Variants in PCDHGA9 observed in about 807,000 individuals in gnomAD.
PCDHGA9 encodes the protein protocadherin gamma-A9.
A neutral mutation model predicts 62.5 loss-of-function variants in PCDHGA9; 37 were observed. The ratio of observed to expected loss-of-function variants is 0.59; its 90% CI spans 0.46 to 0.78. The LOEUF (loss-of-function observed/expected upper bound fraction) is 0.78. Among genes scored for constraint, PCDHGA9 ranks in the 30% least tolerant of loss-of-function variants. The probability of loss-of-function intolerance (pLI) is 0.00; values close to 1 mark genes in which losing one functional copy is unlikely to be tolerated. For synonymous variants in PCDHGA9, 459 were observed against 484.6 expected, an observed-to-expected ratio of 0.95 and a Z score of 0.69; for missense variants, 1,138 against 1,166.2, an observed-to-expected ratio of 0.98 and a Z score of 0.35.
chr5:141,422,800 C>T, intron 1 of PCDHGA9: 1 of 1,614,214 alleles, frequency 6.2e-7, no homozygotes, highest in Non-Finnish European at 8.5e-7. Context: ...CGACTATGAG[C>T]AGTTTCGAGA....
chr5:141,405,226 C>T lies in PCDHGA9; in HGVS notation c.2274C>T (p.Ser758=), dbSNP rs756970325. 6 of 1,613,934 alleles carry T rather than the reference C, an allele frequency of 3.7e-6. No individual in the cohort carries two copies. The highest frequency in any genetic ancestry group is 3.3e-5 in the Admixed American group (2 of 59,984). The part of the protein sequence containing the change: ...AFLQTYSQEF[S]LTADSRKSHL... ...TACAGACCTATTCTCAGGAGTTCTC[C>T]CTCACCGCTGACTCAAGGAAGAGTC... Residue 758 remains serine (S), a synonymous_variant, in exon 1 of 4, where the codon TCC becomes TCT. Transcript: ENST00000573521.
At chr5:141,474,745 C>T (rs935430941) in intron 1 of PCDHGA9, among the ~76,000 whole-genome samples, 2 of 152,174 alleles carry the variant, frequency 1.3e-5, no homozygotes, top group East Asian at 3.9e-4. Context: ...AAGTGATGTC[C>T]AAGACAAATA....
At chr5:141,478,838 T>C (rs1439577444) in intron 1 of PCDHGA9, 1 of 1,426,484 alleles carries the variant, frequency 7.0e-7, no homozygotes, top group Non-Finnish European at 9.2e-7. Flanking sequence ...TAAGGGATGG[T>C]TAAGCTAAAA....
chr5:141,482,967 AGCAGCTACTT>A (rs2099575323), intron 1 of PCDHGA9, among the ~76,000 whole-genome samples: 1 of 58,122 alleles, frequency 1.7e-5, no homozygotes, highest in African/African-American at 2.6e-4. Flanking sequence ...CAGCTACTTG[AGCAGCTACTT>A]GAGAGGTCGA....
rs750397953 is a variant in PCDHGA9 at position 141,409,543 on chromosome 5, C to CA, written c.2424+4169dup. 2.4e-5 allele frequency: 38 copies of CA among 1,613,884 alleles called. No individual in the cohort carries two copies. The South Asian group carries it at 4.1e-4, about 17-fold the overall frequency. On this transcript the variant is annotated intron_variant, in intron 1 of 3. Transcript: ENST00000573521. ...CCTTGTATGTCGCTGACATCAACGACAACGCCCCAGTTTTCGACCAGACGT... is the reference window on the plus strand; with the variant it reads ...CCTTGTATGTCGCTGACATCAACGACAAACGCCCCAGTTTTCGACCAGACGT...
At chr5:141,415,454 A>G (rs899212436) in intron 1 of PCDHGA9, 2 of 1,614,162 alleles carry the variant, frequency 1.2e-6, no homozygotes, top group Non-Finnish European at 8.5e-7. Flanking sequence ...TATTCCCACG[A>G]GGTCTCTCTC....
rs2099696598 is a variant in PCDHGA9, at chr5:141,490,144, A to C, written c.2425-4663A>C. The C allele has an allele frequency of 2.5e-6, 4 of 1,614,214 alleles. No homozygotes were observed. In the East Asian group the frequency reaches 6.7e-5, roughly 27 times the overall value. ...TGGCCTAGACCCTAGCAGTGGGGCA[A>C]TCCATGTGTTGGGTCCCATAGACTT... On this transcript the variant is annotated intron_variant, in intron 1 of 3. Transcript: ENST00000573521. The surrounding 1 kb of genome is among the most constrained non-coding windows in gnomAD (Gnocchi z 5.4).
chr5:141,438,721 G>A (rs886300746), intron 1 of PCDHGA9, among the ~76,000 whole-genome samples: 30 of 148,304 alleles, frequency 2.0e-4, no homozygotes, highest in Non-Finnish European at 7.4e-5. Flanking sequence ...AGTGCAAGTG[G>A]TGTGATCTCA....
At chr5:141,479,312 A>G (rs1218187495) in intron 1 of PCDHGA9, 5 of 152,526 alleles carry the variant, frequency 3.3e-5, no homozygotes, top group African/African-American at 9.6e-5. Context: ...GAAAACATAA[A>G]GTAGCCAGAC....
intron 2 of PCDHGA9, among the ~76,000 whole-genome samples, chr5:141,495,550 G>A (rs999176899): frequency 6.6e-6 from 1 of 151,958 alleles, no homozygotes; most frequent in Non-Finnish European, 1.5e-5. Context: ...TCTCTATCTC[G>A]CTTTGCAATC....
intron 1 of PCDHGA9, among the ~76,000 whole-genome samples, chr5:141,467,254 T>C (rs1291193879): frequency 2.0e-5 from 3 of 152,248 alleles, no homozygotes; most frequent in Admixed American, 6.5e-5. Flanking sequence ...GGTTTCACCA[T>C]GTTGGCCAGG....
intron 1 of PCDHGA9, among the ~76,000 whole-genome samples, chr5:141,407,687 G>A (rs866314437): frequency 1.3e-5 from 2 of 152,126 alleles, no homozygotes; most frequent in African/African-American, 2.4e-5. Context: ...TGGCTTTGTG[G>A]TGATCATTGT....
At chr5:141,414,704 C>A (rs778708386) in intron 1 of PCDHGA9, 8 of 1,614,036 alleles carry the variant, frequency 5.0e-6, no homozygotes, top group Non-Finnish European at 5.9e-6. Flanking sequence ...TCATACATAT[C>A]CATCAACTCA....
At chr5:141,424,526 T>C (rs1020206614) in intron 1 of PCDHGA9, 2 of 152,216 alleles carry the variant, frequency 1.3e-5, no homozygotes, top group Non-Finnish European at 2.9e-5. Context: ...AGTAAATCCA[T>C]ATATAGAAAT....
At position 141,491,645 on chromosome 5, in the gene PCDHGA9, C is replaced by T; in HGVS notation, c.2425-3162C>T. On this transcript the variant is annotated intron_variant, in intron 1 of 3. Transcript: ENST00000573521. The surrounding 1 kb of genome is among the most constrained non-coding windows in gnomAD (Gnocchi z 6.9). ...AGCGTTCAGCAGCCCACAGCTCTGG[C>T]GCTGGAGCCTGACGCCATCCGGTCC... 1.2e-6 allele frequency: 2 copies of T among 1,613,890 alleles called. No homozygotes were observed. Among genetic ancestry groups the T allele is most frequent in the African/African-American group, 1.3e-5 (1 of 75,082 alleles).
chr5:141,426,898 C>G (rs1246109323), intron 1 of PCDHGA9: 3 of 456,634 alleles, frequency 6.6e-6, no homozygotes, highest in Admixed American at 4.7e-5. Context: ...CAACAGAGCT[C>G]TCATCTCCTG....
At chr5:141,453,101 TTTTTGTTTTG>T (rs879618609) in intron 1 of PCDHGA9, among the ~76,000 whole-genome samples, 16 of 152,130 alleles carry the variant, frequency 1.1e-4, no homozygotes, top group Middle Eastern at 3.4e-3. Flanking sequence ...TTCTGTTGCT[TTTTTGTTTTG>T]TTTTGTTTTG....
chr5:141,420,004 G>C (rs768411058), intron 1 of PCDHGA9: 4 of 1,614,084 alleles, frequency 2.5e-6, no homozygotes, highest in Non-Finnish European at 3.4e-6. Flanking sequence ...CTCTACGCCT[G>C]CGACAGTCTT....
intron 1 of PCDHGA9, among the ~76,000 whole-genome samples, chr5:141,451,498 C>A (rs2098717552): frequency 6.6e-6 from 1 of 152,208 alleles, no homozygotes; most frequent in South Asian, 2.1e-4. Flanking sequence ...CTCCATAGGG[C>A]AACCAGCTTC....
Sources: gnomAD v4.1 joint callset for allele counts (sites outside exome capture counted in the v4.1 genomes callset) on GRCh38, gnomAD v4.1.1 for gene constraint, Gnocchi (gnomAD v3.1) non-coding constraint, MANE v1.5 for transcripts, NCBI Gene and HGNC (gene_info 2026-07-23, HGNC 2026-07-21) for gene names.